C12orf56: variants seen among roughly 807,000 people sequenced by gnomAD.
C12orf56 encodes chromosome 12 open reading frame 56.
Under a neutral mutation model 69.9 loss-of-function variants are expected in C12orf56, and 71 were observed. The ratio of observed to expected loss-of-function variants is 1.02; its 90% CI spans 0.84 to 1.24. The LOEUF (loss-of-function observed/expected upper bound fraction) is 1.24. C12orf56 is among the 50% of genes most tolerant of loss of function. The probability of loss-of-function intolerance (pLI) is 0.00; values close to 1 mark genes in which losing one functional copy is unlikely to be tolerated. For missense variants in C12orf56, 732 were observed against 738.5 expected (o/e 0.99, Z 0.10); for synonymous variants, 276 against 274.1 (o/e 1.01, Z -0.07).
intron 1 of C12orf56, among the ~76,000 whole-genome samples, chr12:64,388,082 G>A (rs2039817903): frequency 1.3e-5 from 2 of 152,086 alleles, no homozygotes; most frequent in African/African-American, 4.8e-5. Context: ...TGATCCTCCT[G>A]CCTCAGCCTC....
rs374175550 is a variant in C12orf56 at position 64,267,143 on chromosome 12, C to T, written c.*40G>A. 1,458 of 1,402,566 alleles carry T rather than the reference C, an allele frequency of 1.0e-3. 28 individuals carry two copies. In the South Asian group the frequency reaches 0.017, roughly 16 times the overall value. The allele number at this position is 1,402,566 out of a possible 1,614,324, so 86.9% of individuals were successfully genotyped here. ...GAATATCAAGTTGACTCTTGATTAA[C>T]ATTTTATACTCTTATTAACATTGCG... On this transcript the variant is annotated 3_prime_UTR_variant, in exon 13 of 13. Coordinates refer to ENST00000543942, the MANE Select transcript of C12orf56 (RefSeq NM_001170633.2).
intron 2 of C12orf56, among the ~76,000 whole-genome samples, chr12:64,335,203 G>A (rs941067738): frequency 1.3e-5 from 2 of 152,058 alleles, no homozygotes; most frequent in Admixed American, 6.6e-5. Flanking sequence ...GATCACCTGA[G>A]GTCAGGAGTT....
intron 5 of C12orf56, among the ~76,000 whole-genome samples, chr12:64,309,934 T>A (rs1222043401): frequency 6.6e-6 from 1 of 152,160 alleles, no homozygotes; most frequent in Non-Finnish European, 1.5e-5. Flanking sequence ...GCTGTCTCAC[T>A]GAAGTGATAC....
Position 64,356,967 on chromosome 12 carries a change from C to A in C12orf56, c.253-3911G>T, listed in dbSNP as rs2039326435. Among the ~76,000 whole-genome samples the A allele has an allele frequency of 2.6e-5, 4 of 152,082 alleles. No individual in the cohort carries two copies. The South Asian group carries it at 8.3e-4, about 32-fold the overall frequency. ...TCAGGCACCCATGATTCTCTCTTAA[C>A]CAAAAGTCAAAATCTCCTTTAATAA... On this transcript the variant is annotated intron_variant, in intron 1 of 12. Transcript: ENST00000543942.
At chr12:64,385,011 G>A (rs897946079) in intron 1 of C12orf56, among the ~76,000 whole-genome samples, 3 of 149,032 alleles carry the variant, frequency 2.0e-5, no homozygotes, top group Non-Finnish European at 4.4e-5. Flanking sequence ...CCCAGGTCTT[G>A]CCACCGCACT....
intron 1 of C12orf56, among the ~76,000 whole-genome samples, chr12:64,364,026 T>C (rs781023653): frequency 6.6e-6 from 1 of 150,730 alleles, no homozygotes; most frequent in Non-Finnish European, 1.5e-5. Context: ...TAAAAAAGAG[T>C]GTTGGGCCAG....
chr12:64,330,141 A>G (rs916575480), intron 3 of C12orf56, among the ~76,000 whole-genome samples: 6 of 152,200 alleles, frequency 3.9e-5, no homozygotes, highest in Non-Finnish European at 8.8e-5. Flanking sequence ...ACGTTCCACC[A>G]ACAGTGTAAA....
Position 64,308,954 on chromosome 12 carries a change from AGAAAG to A in C12orf56, c.968+3720_968+3724del, listed in dbSNP as rs1565749051. ...AAAGAAAGAAAGAAGAAAGAAAGAAAGAAAGAAAGAAAGAAAGAAAAGAAAGAAAG... is the reference window on the plus strand; with the variant it reads ...AAAGAAAGAAAGAAGAAAGAAAGAAAAAAGAAAGAAAGAAAAGAAAGAAAG... On this transcript the variant is annotated intron_variant, in intron 5 of 12. Coordinates refer to ENST00000543942, the MANE Select transcript of C12orf56 (RefSeq NM_001170633.2). Among the ~76,000 whole-genome samples, 178 of 116,046 alleles carry A rather than the reference AGAAAG, an allele frequency of 1.5e-3. 8 individuals are homozygous for A. Among genetic ancestry groups the A allele is most frequent in the Admixed American group, 0.013 (147 of 10,956 alleles). 76.1% of individuals were successfully genotyped at this position (116,046 alleles called of 152,430 possible). A position where few individuals can be genotyped will look rare whatever the true frequency, so the allele number is the denominator to read the frequency against.
At chr12:64,362,227 A>C (rs1036136721) in intron 1 of C12orf56, among the ~76,000 whole-genome samples, 1 of 151,676 alleles carries the variant, frequency 6.6e-6, no homozygotes, top group African/African-American at 2.4e-5. Context: ...CTAAATTCTC[A>C]CTCCCTGTCA....
rs1440733918 is a variant in C12orf56, at chr12:64,390,548, C to T, written c.18G>A (p.Pro6=). 6.9e-6 allele frequency: 11 copies of T among 1,592,884 alleles called. 1 individual carries two copies. The highest frequency in any genetic ancestry group is 9.4e-6 in the Non-Finnish European group (11 of 1,176,444). ...TGTTCCTGCGCGCGGGGAAGCCGGA[C>T]GGCAAGGGGCTGGCCATGCCCGGCG... is the stretch of plus-strand genomic sequence containing the variant. MASPL[P]SGFPARRNSR... The change falls in exon 1 of 13, where the codon CCG becomes CCA. Residue 6 remains proline (P), a synonymous_variant. Transcript: ENST00000543942.
intron 1 of C12orf56, among the ~76,000 whole-genome samples, chr12:64,371,636 G>A (rs1380221963): frequency 6.6e-6 from 1 of 151,808 alleles, no homozygotes; most frequent in African/African-American, 2.4e-5. Flanking sequence ...TTTGAGACCA[G>A]CCCGGCTAAC....
intron 6 of C12orf56, among the ~76,000 whole-genome samples, chr12:64,302,326 C>G (rs2038456422): frequency 6.6e-6 from 1 of 152,120 alleles, no homozygotes. Context: ...GCTAATCTGC[C>G]TTCACCGTAC....
intron 1 of C12orf56, among the ~76,000 whole-genome samples, chr12:64,387,354 TAG>T (rs1191423290): frequency 6.6e-6 from 1 of 152,198 alleles, no homozygotes; most frequent in Non-Finnish European, 1.5e-5. Flanking sequence ...GTTGAAAACT[TAG>T]ATTTGTTCAG....
intron 1 of C12orf56, among the ~76,000 whole-genome samples, chr12:64,361,309 C>T (rs2039397113): frequency 6.6e-6 from 1 of 152,132 alleles, no homozygotes; most frequent in South Asian, 2.1e-4. Flanking sequence ...GGTAATTGAA[C>T]CAGAGCAACT....
intron 9 of C12orf56, among the ~76,000 whole-genome samples, chr12:64,276,805 G>A (rs936533143): frequency 4.6e-5 from 7 of 151,348 alleles, no homozygotes; most frequent in African/African-American, 1.5e-4. Context: ...ACCAACCTGG[G>A]TAACATGGCA....
rs1310751322 is a variant in C12orf56, at chr12:64,266,911, AGAGT to A, written c.*268_*271del. ...ATGGATAGTCGTTTATTTTGTGGCAAGAGTGAGTTTGAAGAACTACTCTAATAAA... is the reference window on the plus strand; with the variant it reads ...ATGGATAGTCGTTTATTTTGTGGCAAGAGTTTGAAGAACTACTCTAATAAA... On this transcript the variant is annotated 3_prime_UTR_variant, in exon 13 of 13. Coordinates refer to ENST00000543942, the MANE Select transcript of C12orf56 (RefSeq NM_001170633.2). 3 of 376,812 alleles carry A rather than the reference AGAGT, an allele frequency of 8.0e-6. No individual in the cohort carries two copies. The highest frequency in any genetic ancestry group is 1.4e-5 in the Non-Finnish European group (3 of 215,308). 23.3% of individuals were successfully genotyped at this position (376,812 alleles called of 1,614,324 possible).
At chr12:64,348,734 G>A (rs1293175579) in intron 2 of C12orf56, among the ~76,000 whole-genome samples, 3 of 152,158 alleles carry the variant, frequency 2.0e-5, no homozygotes, top group East Asian at 1.9e-4. Context: ...AAATTCTAAT[G>A]TCTGAGTATA....
At chr12:64,296,662 A>G (rs1206033020) in intron 6 of C12orf56, among the ~76,000 whole-genome samples, 1 of 152,184 alleles carries the variant, frequency 6.6e-6, no homozygotes, top group Non-Finnish European at 1.5e-5. Flanking sequence ...AAAGACATGA[A>G]TTTTTGGGGC....
intron 5 of C12orf56, among the ~76,000 whole-genome samples, chr12:64,311,609 A>G (rs185861792): frequency 9.2e-5 from 14 of 152,308 alleles, no homozygotes; most frequent in Non-Finnish European, 1.6e-4. Flanking sequence ...GGCCATCATG[A>G]TAGGCCCCAG....
Sources: allele counts gnomAD v4.1 joint callset (sites outside exome capture counted in the v4.1 genomes callset), GRCh38; gene constraint gnomAD v4.1.1; transcripts MANE v1.5; gene names NCBI Gene and HGNC (gene_info 2026-07-23, HGNC 2026-07-21).